Variants in MCM10 observed in about 807,000 individuals in gnomAD.
The protein encoded by MCM10 is minichromosome maintenance 10 replication initiation factor, also known as protein MCM10 homolog.
MCM10 carries 91 observed loss-of-function variants against 109.9 expected under a neutral mutation model. The ratio of observed to expected loss-of-function variants is 0.83; its 90% CI spans 0.70 to 0.99. The LOEUF (loss-of-function observed/expected upper bound fraction) is 0.99, where lower values mean the gene tolerates loss of function less well. MCM10 is among the 50% of genes least tolerant of loss of function. The pLI, the probability that MCM10 is intolerant of heterozygous loss-of-function variation, is 0.00. For synonymous variants in MCM10, 380 were observed against 387.2 expected (o/e 0.98, Z 0.22); for missense variants, 1,077 against 1,061.2 (o/e 1.01, Z -0.21).
chr10:13,175,915 A>G (rs528741920), intron 6 of MCM10, among the ~76,000 whole-genome samples: 3 of 152,350 alleles, frequency 2.0e-5, no homozygotes, highest in African/African-American at 4.8e-5. Flanking sequence ...AAGAATCTGT[A>G]TCTATAAAAA....
chr10:13,171,854 T>G (rs1029845770), intron 3 of MCM10, among the ~76,000 whole-genome samples: 6 of 151,954 alleles, frequency 3.9e-5, no homozygotes, highest in Non-Finnish European at 7.4e-5. Flanking sequence ...AGCCTCCACC[T>G]CCCAGGCTCA....
chr10:13,205,002 GTATATATATATATATATA>G (rs576376587), intron 18 of MCM10, among the ~76,000 whole-genome samples: 2 of 6,684 alleles, frequency 3.0e-4, no homozygotes, highest in African/African-American at 8.8e-4. Flanking sequence ...ATGTATGTAT[GTATATATATATATATATA>G]TATATATATA....
At position 13,188,894 on chromosome 10, in the gene MCM10, A is replaced by G. The variant is rs764482766; in HGVS notation, c.1229A>G (p.Tyr410Cys). 6.2e-7 allele frequency: 1 copy of G among 1,614,104 alleles called. No individual in the cohort carries two copies. The highest frequency in any genetic ancestry group is 8.5e-7 in the Non-Finnish European group (1 of 1,179,968). ...TQTVNLRDCE[Y>C]CQYHVQAQYK... Reference sequence around the variant, plus strand: ...TGCCTTTTGCAGCGTGACTGTGAGTACTGTCAGTACCATGTCCAGGCTCAG... The same window carrying G: ...TGCCTTTTGCAGCGTGACTGTGAGTGCTGTCAGTACCATGTCCAGGCTCAG... The change falls in exon 10 of 20, where the codon TAC becomes TGC. Residue 410 changes from tyrosine to cysteine, a missense_variant. Transcript: ENST00000378714.
At chr10:13,165,617 G>A (rs1483280079) in intron 2 of MCM10, among the ~76,000 whole-genome samples, 2 of 152,190 alleles carry the variant, frequency 1.3e-5, no homozygotes, top group Non-Finnish European at 2.9e-5. Context: ...GCTCATGCCT[G>A]TAATCCCAGC....
intron 1 of MCM10, among the ~76,000 whole-genome samples, chr10:13,163,192 A>T (rs1264446158): frequency 6.6e-6 from 1 of 151,958 alleles, no homozygotes; most frequent in East Asian, 1.9e-4. Context: ...CACAAAAATT[A>T]GCCGGGTGTG....
chr10:13,208,485 T>A (rs2131593507), intron 18 of MCM10, among the ~76,000 whole-genome samples: 1 of 147,762 alleles, frequency 6.8e-6, no homozygotes, highest in African/African-American at 2.5e-5. Flanking sequence ...ATCCCAGCAC[T>A]TTGGGAGGCT....
At chr10:13,191,679 A>C (rs1041689192) in intron 11 of MCM10, among the ~76,000 whole-genome samples, 1 of 152,192 alleles carries the variant, frequency 6.6e-6, no homozygotes, top group Non-Finnish European at 1.5e-5. Context: ...GGCGCGGTCT[A>C]ACCTAAAGGA....
chr10:13,170,375 T>A (rs1047987688), intron 2 of MCM10, among the ~76,000 whole-genome samples: 2 of 152,198 alleles, frequency 1.3e-5, no homozygotes, highest in African/African-American at 4.8e-5. Context: ...CTTTTTTTTT[T>A]TAAATCTCAA....
At chr10:13,164,033 C>T in intron 1 of MCM10, 95 bp from the exon 2 acceptor site, 1 of 462,250 alleles carries the variant, frequency 2.2e-6, no homozygotes, top group Non-Finnish European at 3.8e-6. Context: ...GAGGTTAGAG[C>T]CCATAGGAGT....
rs1457885813 is a variant in MCM10, at chr10:13,182,937, A to G, written c.935A>G (p.Lys312Arg). Residue 312 changes from lysine to arginine, a missense_variant, in exon 8 of 20, where the codon AAA becomes AGA. Coordinates refer to ENST00000378714, the MANE Select transcript of MCM10 (RefSeq NM_018518.5). This position sits in a 1 kb window ranked among gnomAD's most constrained non-coding sequence, Gnocchi z 4.2. Reference protein sequence around the residue: ...KVTPQSVNSGKTFSIWKLNDL... With the variant: ...KVTPQSVNSGRTFSIWKLNDL... ...AAAAATAACTATTTGTTCCAGGGAA[A>G]AACCTTCAGCATATGGAAACTGAAT... 3.1e-6 allele frequency: 5 copies of G among 1,611,258 alleles called. No individual in the cohort carries two copies. The African/African-American group carries it at 6.7e-5, about 22-fold the overall frequency.
At chr10:13,191,224 A>G (rs762365713) in intron 10 of MCM10, 75 bp from the exon 11 acceptor site, 28 of 955,836 alleles carry the variant, frequency 2.9e-5, no homozygotes, top group Non-Finnish European at 4.4e-5. Flanking sequence ...AAATGATGAT[A>G]TCTATGCCTT....
At chr10:13,170,163 T>A (rs140971865) in intron 2 of MCM10, among the ~76,000 whole-genome samples, 373 of 152,346 alleles carry the variant, frequency 2.4e-3, no homozygotes, top group African/African-American at 8.5e-3. Context: ...AGCATAAGAA[T>A]GGACTGGAAT....
chr10:13,168,957 G>A (rs1834035594), intron 2 of MCM10, among the ~76,000 whole-genome samples: 1 of 152,208 alleles, frequency 6.6e-6, no homozygotes, highest in Non-Finnish European at 1.5e-5. Flanking sequence ...AGCGGACATA[G>A]AAAAGCAAGC....
intron 16 of MCM10, among the ~76,000 whole-genome samples, chr10:13,199,154 C>T (rs1478279596): frequency 6.6e-6 from 1 of 152,204 alleles, no homozygotes; most frequent in Admixed American, 6.5e-5. Flanking sequence ...CCTTGGCCTC[C>T]CAAAGTGCTG....
chr10:13,208,089 C>T (rs942215494), intron 18 of MCM10, among the ~76,000 whole-genome samples: 1 of 152,178 alleles, frequency 6.6e-6, no homozygotes, highest in African/African-American at 2.4e-5. Flanking sequence ...ATTTTAAAAA[C>T]TAGAGCAAGA....
intron 2 of MCM10, among the ~76,000 whole-genome samples, chr10:13,169,573 C>T (rs1834043768): frequency 2.6e-5 from 4 of 152,118 alleles, no homozygotes. Flanking sequence ...ACGATTACAG[C>T]GTATTTAGTA....
At chr10:13,162,326 T>G (rs567266597) in intron 1 of MCM10, among the ~76,000 whole-genome samples, 11 of 152,220 alleles carry the variant, frequency 7.2e-5, no homozygotes, top group Non-Finnish European at 1.3e-4. Context: ...GCTTTGTAGA[T>G]TTTTTCTAAG....
Position 13,189,865 on chromosome 10 carries a change from G to A in MCM10, c.1415+785G>A, listed in dbSNP as rs535633300. ...GGGGTTCAGAGTCACTACAGCCCCT[G>A]ACGCTGTAATCCAGGGGTGTCCAAT... On this transcript the variant is annotated intron_variant, in intron 10 of 19. Coordinates refer to ENST00000378714, the MANE Select transcript of MCM10 (RefSeq NM_018518.5). Among the ~76,000 whole-genome samples the A allele has an allele frequency of 5.9e-5, 9 of 152,244 alleles. No individual in the cohort carries two copies. In the East Asian group the frequency reaches 1.7e-3, roughly 29 times the overall value.
Position 13,192,481 on chromosome 10 carries a change from A to G in MCM10, c.1658A>G (p.Lys553Arg). The G allele has an allele frequency of 6.2e-7, 1 of 1,614,192 alleles. No homozygotes were observed. The highest frequency in any genetic ancestry group is 2.2e-5 in the East Asian group (1 of 44,878). ...GIMGSPKPAI[K>R]SISASALLKQ... ...ATGGGGAGCCCAAAACCAGCCATCA[A>G]GTCCATCTCGGCCTCAGCACTCTTG... is the stretch of plus-strand genomic sequence containing the variant. The change falls in exon 13 of 20, where the codon AAG (lysine) becomes AGG (arginine). Residue 553 changes from lysine to arginine, a missense_variant. Physicochemically the swap from Lys to Arg is conservative, Grantham distance 26. Coordinates refer to ENST00000378714, the MANE Select transcript of MCM10 (RefSeq NM_018518.5).
Sources: allele counts gnomAD v4.1 joint callset (sites outside exome capture counted in the v4.1 genomes callset), GRCh38; gene constraint gnomAD v4.1.1; non-coding constraint Gnocchi (gnomAD v3.1); transcripts MANE v1.5; gene names NCBI Gene and HGNC (gene_info 2026-07-23, HGNC 2026-07-21).